The following JAKMIP1 variants were observed in gnomAD, a reference collection of about 807,000 sequenced individuals.
JAKMIP1 encodes janus kinase and microtubule-interacting protein 1.
In JAKMIP1, 33 loss-of-function variants were observed where a neutral mutation model predicts 113.0. The ratio of observed to expected loss-of-function variants is 0.29; its 90% CI spans 0.22 to 0.39. The LOEUF is 0.39. JAKMIP1 is among the 10% of genes least tolerant of loss of function. The probability of loss-of-function intolerance (pLI) is 1.00; values close to 1 mark genes in which losing one functional copy is unlikely to be tolerated. For synonymous variants in JAKMIP1, 480 were observed against 459.9 expected, an observed-to-expected ratio of 1.04 and a Z score of -0.56; for missense variants, 813 against 1,080.5, an observed-to-expected ratio of 0.75 and a Z score of 3.47.
intron 19 of JAKMIP1, among the ~76,000 whole-genome samples, chr4:6,032,254 T>C (rs1712791128): frequency 1.3e-5 from 2 of 152,176 alleles, no homozygotes; most frequent in Non-Finnish European, 2.9e-5. Context: ...CATCTGAGAA[T>C]CCCCCAGGAA....
Position 6,199,923 on chromosome 4 carries a change from T to C in JAKMIP1, c.-148+330A>G, listed in dbSNP as rs1187424649. 3.0e-5 allele frequency among the ~76,000 whole-genome samples: 4 copies of C among 132,436 alleles called. No individual in the cohort carries two copies. The highest frequency in any genetic ancestry group is 6.5e-5 in the Non-Finnish European group (4 of 61,798). 86.9% of individuals were successfully genotyped at this position (132,436 alleles called of 152,430 possible). ...GGCGGAATCCGGAGAAGAGTGGAAA[T>C]AGGGGTGGCGTGAAGGAGAGCTGGG... is the stretch of plus-strand genomic sequence containing the variant. On this transcript the variant is annotated intron_variant, in intron 1 of 20. Transcript: ENST00000409021. This position sits in a 1 kb window ranked among gnomAD's most constrained non-coding sequence, Gnocchi z 5.6.
chr4:6,092,896 G>A (rs926439229), intron 3 of JAKMIP1, among the ~76,000 whole-genome samples: 1 of 152,176 alleles, frequency 6.6e-6, no homozygotes, highest in East Asian at 1.9e-4. Context: ...TATACCTTTT[G>A]CCAGAAATAG....
chr4:6,137,658 C>T lies in JAKMIP1; in HGVS notation c.-147-24661G>A, dbSNP rs745616663. Among the ~76,000 whole-genome samples the T allele has an allele frequency of 3.9e-5, 6 of 152,310 alleles. No individual in the cohort carries two copies. The highest frequency in any genetic ancestry group is 9.6e-5 in the African/African-American group (4 of 41,566). On this transcript the variant is annotated intron_variant, in intron 1 of 20. Transcript: ENST00000409021. This position sits in a 1 kb window ranked among gnomAD's most constrained non-coding sequence, Gnocchi z 4.5. ...GGACCAAATGAGCTATCCTGAAATG[C>T]GGAGGCTAAAGAGCCACAAACCATA... is the stretch of plus-strand genomic sequence containing the variant.
Position 6,136,774 on chromosome 4 carries a change from A to G in JAKMIP1, c.-147-23777T>C, listed in dbSNP as rs981472435. Among the ~76,000 whole-genome samples, 1 of 152,224 alleles carries G rather than the reference A, an allele frequency of 6.6e-6. No homozygotes were observed. The highest frequency in any genetic ancestry group is 1.5e-5 in the Non-Finnish European group (1 of 68,044). Reference sequence around the variant, plus strand: ...TGTCCAGTCCAGCCAGCTGACCACAACCCACATCGTGGGGGTCCTGACTAC... The same window carrying G: ...TGTCCAGTCCAGCCAGCTGACCACAGCCCACATCGTGGGGGTCCTGACTAC... On this transcript the variant is annotated intron_variant, in intron 1 of 20. Transcript: ENST00000409021. The surrounding 1 kb of genome is among the most constrained non-coding windows in gnomAD (Gnocchi z 5.9).
chr4:6,155,038 G>A lies in JAKMIP1; in HGVS notation c.-147-42041C>T, dbSNP rs193214234. Reference sequence around the variant, plus strand: ...ATAAAGGAATTTAAAGCTCATTCCCGAGCAGTGGGAAGACAGTCGGGAGAT... The same window carrying A: ...ATAAAGGAATTTAAAGCTCATTCCCAAGCAGTGGGAAGACAGTCGGGAGAT... On this transcript the variant is annotated intron_variant, in intron 1 of 20. Coordinates refer to ENST00000409021, the MANE Select transcript of JAKMIP1 (RefSeq NM_001099433.2). The surrounding 1 kb of genome is among the most constrained non-coding windows in gnomAD (Gnocchi z 6.1). 3.2e-3 allele frequency among the ~76,000 whole-genome samples: 484 copies of A among 152,246 alleles called. 2 individuals are homozygous for A. The highest frequency in any genetic ancestry group is 4.3e-3 in the Non-Finnish European group (291 of 68,008).
chr4:6,166,701 G>A (rs965076674), intron 1 of JAKMIP1, among the ~76,000 whole-genome samples: 2 of 152,230 alleles, frequency 1.3e-5, no homozygotes, highest in Non-Finnish European at 2.9e-5. Context: ...AAGGTAGAAC[G>A]AGCAGCACCA....
chr4:6,160,980 CTCACCTCCCT>C, intron 1 of JAKMIP1, among the ~76,000 whole-genome samples: 1 of 149,282 alleles, frequency 6.7e-6, no homozygotes, highest in East Asian at 2.0e-4. Context: ...CTGACCTCCA[CTCACCTCCCT>C]GACCTCCATT....
rs1318238642 is a variant in JAKMIP1 at position 6,106,261 on chromosome 4, C to T, written c.130-294G>A. Among the ~76,000 whole-genome samples the T allele has an allele frequency of 2.6e-5, 4 of 152,176 alleles. No homozygotes were observed. The highest frequency in any genetic ancestry group is 5.9e-5 in the Non-Finnish European group (4 of 68,036). Reference sequence around the variant, plus strand: ...ATCTCTTCCAGGTTGTAAATTGAGACGACTGCTCAATCACAAAACACACCC... The same window carrying T: ...ATCTCTTCCAGGTTGTAAATTGAGATGACTGCTCAATCACAAAACACACCC... On this transcript the variant is annotated intron_variant, in intron 2 of 20. Coordinates refer to ENST00000409021, the MANE Select transcript of JAKMIP1 (RefSeq NM_001099433.2). The surrounding 1 kb of genome is among the most constrained non-coding windows in gnomAD (Gnocchi z 5.9).
At position 6,078,984 on chromosome 4, in the gene JAKMIP1, C is replaced by A; in HGVS notation, c.1257G>T (p.Leu419=). ...IDDLSLERER[L]LRSKRHRGKS... ...TCCCTCGATGCCTTTTGGAGCGCAA[C>A]AGCCGTTCTCTCTCCTAGAAGGAAA... Residue 419 remains leucine, a synonymous_variant, in exon 8 of 21, where the codon CTG becomes CTT. Coordinates refer to ENST00000409021, the MANE Select transcript of JAKMIP1 (RefSeq NM_001099433.2). 6.2e-7 allele frequency: 1 copy of A among 1,614,214 alleles called. No individual in the cohort carries two copies.
intron 1 of JAKMIP1, among the ~76,000 whole-genome samples, chr4:6,161,585 A>G (rs1722962411): frequency 6.6e-6 from 1 of 151,686 alleles, no homozygotes; most frequent in Non-Finnish European, 1.5e-5. Flanking sequence ...CCAGATGGAG[A>G]GAGCTGGTGT....
intron 8 of JAKMIP1, among the ~76,000 whole-genome samples, chr4:6,074,899 C>T (rs2108809897): frequency 6.6e-6 from 1 of 152,340 alleles, no homozygotes; most frequent in Admixed American, 6.5e-5. Flanking sequence ...AGCCCAGAAG[C>T]CACAGGCTAG....
Position 6,106,012 on chromosome 4 carries a change from G to T in JAKMIP1, c.130-45C>A. ...AGAGCCGGTCAGGGTCAGGGTCAGG[G>T]TCAGGGTCAGGGTCAGGGTCACAGC... On this transcript the variant is annotated intron_variant, in intron 2 of 20. Transcript: ENST00000409021. This position sits in a 1 kb window ranked among gnomAD's most constrained non-coding sequence, Gnocchi z 5.9. 1 of 1,227,686 alleles carries T rather than the reference G, an allele frequency of 8.1e-7. No homozygotes were observed. Among genetic ancestry groups the T allele is most frequent in the Non-Finnish European group, 1.1e-6 (1 of 881,946 alleles). 76.0% of individuals were successfully genotyped at this position (1,227,686 alleles called of 1,614,324 possible).
chr4:6,091,524 T>A (rs1722063640), intron 3 of JAKMIP1, among the ~76,000 whole-genome samples: 1 of 152,120 alleles, frequency 6.6e-6, no homozygotes, highest in Non-Finnish European at 1.5e-5. Context: ...ATTTTATAGG[T>A]GAGGTGCTAG....
chr4:6,174,549 G>C (rs1186282560), intron 1 of JAKMIP1, among the ~76,000 whole-genome samples: 4 of 152,154 alleles, frequency 2.6e-5, no homozygotes, highest in Non-Finnish European at 5.9e-5. Context: ...AGCGAACCAG[G>C]GTGCAGAAGA....
chr4:6,098,677 A>G (rs1362666129), intron 3 of JAKMIP1, among the ~76,000 whole-genome samples: 4 of 7,176 alleles, frequency 5.6e-4, no homozygotes, highest in African/African-American at 7.4e-4. Flanking sequence ...AGAGAGAAAG[A>G]AAGAAAGAAA....
chr4:6,085,300 G>C, intron 4 of JAKMIP1, 120 bp downstream of exon 4: 1 of 864,372 alleles, frequency 1.2e-6, no homozygotes, highest in Non-Finnish European at 1.8e-6. Context: ...CTCCAATACT[G>C]AGTGAATGAA....
intron 1 of JAKMIP1, among the ~76,000 whole-genome samples, chr4:6,133,914 G>A (rs1163044230): frequency 6.6e-6 from 1 of 152,216 alleles, no homozygotes; most frequent in Non-Finnish European, 1.5e-5. Flanking sequence ...ATGGTTGGAT[G>A]ACCAGACGGA....
rs1452955528 is a variant in JAKMIP1, at chr4:6,105,509, G to T, written c.588C>A (p.Arg196=). Residue 196 remains arginine (R), a synonymous_variant, in exon 3 of 21, where the codon CGC becomes CGA. Transcript: ENST00000409021. ...AYQAHQDEVH[R]IKRECERDIR... is the part of the protein sequence containing the mutation. ...TGTCGCGCTCGCACTCGCGCTTGAT[G>T]CGGTGCACCTCGTCTTGGTGCGCCT... The T allele has an allele frequency of 6.2e-7, 1 of 1,610,014 alleles. No homozygotes were observed. Among genetic ancestry groups the T allele is most frequent in the Non-Finnish European group, 8.5e-7 (1 of 1,178,874 alleles).
chr4:6,119,269 C>T (rs1046814620), intron 1 of JAKMIP1, among the ~76,000 whole-genome samples: 4 of 151,306 alleles, frequency 2.6e-5, no homozygotes, highest in Non-Finnish European at 4.4e-5. Flanking sequence ...TGGGGCCGGG[C>T]GCGGTGGCTC....
Sources: gnomAD v4.1 joint callset for allele counts (sites outside exome capture counted in the v4.1 genomes callset) on GRCh38, gnomAD v4.1.1 for gene constraint, Gnocchi (gnomAD v3.1) non-coding constraint, MANE v1.5 for transcripts, NCBI Gene and HGNC (gene_info 2026-07-23, HGNC 2026-07-21) for gene names.